ABCB4: variants seen among roughly 807,000 people sequenced by gnomAD.
ABCB4 encodes the protein ATP binding cassette subfamily B member 4, also known as phosphatidylcholine translocator ABCB4.
A neutral mutation model predicts 145.7 loss-of-function variants in ABCB4; 76 were observed. The observed-to-expected ratio is 0.52, with a 90% CI of 0.43 to 0.63. The LOEUF is 0.63. Ranked by LOEUF, ABCB4 falls within the 30% of genes least tolerant of loss-of-function variation. The probability of loss-of-function intolerance (pLI) is 0.00; values close to 1 mark genes in which losing one functional copy is unlikely to be tolerated. For synonymous variants in ABCB4, 517 were observed against 566.8 expected (o/e 0.91, Z 1.25); for missense variants, 1,234 against 1,553.1 (o/e 0.79, Z 3.45).
At chr7:87,470,813 TTCC>T (rs1439396767) in intron 3 of ABCB4, among the ~76,000 whole-genome samples, 1 of 152,190 alleles carries the variant, frequency 6.6e-6, no homozygotes, top group East Asian at 1.9e-4. Context: ...AGTGTGGTGA[TTCC>T]TCAAGGATCT....
rs1044618025 is a variant in ABCB4, at chr7:87,401,956, C to A, written c.*140G>T. 3.0e-5 allele frequency: 36 copies of A among 1,198,596 alleles called. No homozygotes were observed. Among genetic ancestry groups the A allele is most frequent in the Non-Finnish European group, 4.1e-5 (34 of 833,860 alleles). 74.2% of individuals were successfully genotyped at this position (1,198,596 alleles called of 1,614,324 possible). A position where few individuals can be genotyped will look rare whatever the true frequency, so the allele number is the denominator to read the frequency against. ...AAATTTCAAATGCCGTAATAAACCC[C>A]AAATTGGGTCTTCTAAATTGATCTA... On this transcript the variant is annotated 3_prime_UTR_variant, in exon 28 of 28. Transcript: ENST00000649586.
At chr7:87,462,624 T>C in intron 4 of ABCB4, 134 bp downstream of exon 4, 4 of 813,444 alleles carry the variant, frequency 4.9e-6, no homozygotes, top group Non-Finnish European at 6.1e-6. Flanking sequence ...TTACAACTCC[T>C]TCTATGATAT....
chr7:87,385,834 T>C, the ABCB4 span, among the ~76,000 whole-genome samples: 1 of 152,242 alleles, frequency 6.6e-6, no homozygotes, highest in Non-Finnish European at 1.5e-5. Flanking sequence ...TGGCTTTTAT[T>C]GTTTTGATGT....
the ABCB4 span, chr7:87,375,266 T>C: frequency 1.6e-5 from 3 of 186,572 alleles, no homozygotes. Flanking sequence ...ACATTATATT[T>C]GTGAAATTGA....
chr7:87,454,648 G>T, intron 4 of ABCB4, 56 bp from the exon 5 acceptor site: 1 of 1,268,516 alleles, frequency 7.9e-7, no homozygotes, highest in Non-Finnish European at 1.1e-6. Context: ...AATAGGCATT[G>T]CCAGGTTTTT....
intron 21 of ABCB4, among the ~76,000 whole-genome samples, chr7:87,416,531 G>A (rs575491643): frequency 6.6e-6 from 1 of 152,150 alleles, no homozygotes; most frequent in Non-Finnish European, 1.5e-5. Context: ...GAATGTTCAT[G>A]GTTATAATCT....
chr7:87,422,970 T>C (rs779510195), intron 17 of ABCB4, among the ~76,000 whole-genome samples: 13 of 152,184 alleles, frequency 8.5e-5, no homozygotes, highest in Non-Finnish European at 1.3e-4. Context: ...CCAAAATATA[T>C]AGTCCACATT....
At chr7:87,466,236 G>A (rs543278280) in intron 3 of ABCB4, among the ~76,000 whole-genome samples, 24 of 152,256 alleles carry the variant, frequency 1.6e-4, no homozygotes, top group African/African-American at 2.6e-4. Flanking sequence ...CATGGCACAA[G>A]AACTATGTGA....
the ABCB4 span, among the ~76,000 whole-genome samples, chr7:87,390,880 A>G: frequency 1.3e-5 from 2 of 152,224 alleles, no homozygotes; most frequent in African/African-American, 4.8e-5. Flanking sequence ...CAGTAATTTT[A>G]TATCACATAT....
intron 3 of ABCB4, among the ~76,000 whole-genome samples, chr7:87,470,822 G>C (rs1813334803): frequency 6.6e-6 from 1 of 152,152 alleles, no homozygotes. Context: ...ATTCCTCAAG[G>C]ATCTAGAACT....
rs1027940778 is a variant in ABCB4, at chr7:87,415,624, A to G, written c.2682+1688T>C. 5.3e-5 allele frequency among the ~76,000 whole-genome samples: 8 copies of G among 152,232 alleles called. No homozygotes were observed. In the East Asian group the frequency reaches 1.3e-3, roughly 26 times the overall value. ...GTTTTAGCTGGAAGGAACTTGGGGCAGTATCTGGTACAATTTCTCATTTTA... is the reference window on the plus strand; with the variant it reads ...GTTTTAGCTGGAAGGAACTTGGGGCGGTATCTGGTACAATTTCTCATTTTA... On this transcript the variant is annotated intron_variant, in intron 21 of 27. Coordinates refer to ENST00000649586, the MANE Select transcript of ABCB4 (RefSeq NM_000443.4).
the ABCB4 span, chr7:87,381,928 A>C: frequency 3.1e-6 from 5 of 1,609,074 alleles, no homozygotes; most frequent in Non-Finnish European, 4.2e-6. Flanking sequence ...TTTTGATGCA[A>C]TGATTATGGT....
rs45572146 is a variant in ABCB4, at chr7:87,426,610, T to C, written c.2064+140A>G. 0.012 allele frequency: 9,546 copies of C among 806,472 alleles called. 565 individuals are homozygous for C. The African/African-American group carries it at 0.14, about 12-fold the overall frequency. 50.0% of individuals were successfully genotyped at this position (806,472 alleles called of 1,614,324 possible). On this transcript the variant is annotated intron_variant, in intron 16 of 27. Transcript: ENST00000649586. ...TTCATTGTCAAATACATTTAAAATT[T>C]GAAAATTTTTTTCTTTACAAAGAGT...
At position 87,453,080 on chromosome 7, in the gene ABCB4, G is replaced by GTA; in HGVS notation, c.398_399dup (p.Gln134TyrfsTer30). On this transcript the variant is annotated frameshift_variant, in exon 6 of 28. Transcript: ENST00000649586. LOFTEE classifies it high-confidence loss of function. ...GCTGCCAAAGTCCAAAATGAAACTTGTATATAGGCAGCAACAAGAACTCCA... is the reference window on the plus strand; with the variant it reads ...GCTGCCAAAGTCCAAAATGAAACTTGTATATATAGGCAGCAACAAGAACTCCA... The GTA allele has an allele frequency of 6.2e-7, 1 of 1,613,984 alleles. No homozygotes were observed.
intron 21 of ABCB4, among the ~76,000 whole-genome samples, chr7:87,414,382 AG>A (rs1808828136): frequency 6.6e-6 from 1 of 152,204 alleles, no homozygotes; most frequent in African/African-American, 2.4e-5. Context: ...ACAGCATCCG[AG>A]GAATGGAATA....
chr7:87,465,052 G>A (rs1011679969), intron 3 of ABCB4, among the ~76,000 whole-genome samples: 1 of 152,170 alleles, frequency 6.6e-6, no homozygotes, highest in Non-Finnish European at 1.5e-5. Context: ...GCAGCGCACC[G>A]AGCATGAGCC....
the ABCB4 span, among the ~76,000 whole-genome samples, chr7:87,394,556 A>T: frequency 2.9e-3 from 6 of 2,054 alleles, no homozygotes; most frequent in South Asian, 0.043. Flanking sequence ...AGTACTATTT[A>T]AAAAAAAAAA....
the ABCB4 span, among the ~76,000 whole-genome samples, chr7:87,391,997 C>T: frequency 6.6e-6 from 1 of 152,162 alleles, no homozygotes; most frequent in Non-Finnish European, 1.5e-5. Context: ...ACAACACCAA[C>T]AAAGTGCAGA....
chr7:87,404,602 C>T (rs1808044515), intron 26 of ABCB4, among the ~76,000 whole-genome samples: 1 of 152,044 alleles, frequency 6.6e-6, no homozygotes, highest in South Asian at 2.1e-4. Flanking sequence ...AAAACATTTA[C>T]AAACTACATA....
Sources: gnomAD v4.1 joint callset for allele counts (sites outside exome capture counted in the v4.1 genomes callset) on GRCh38, gnomAD v4.1.1 for gene constraint, MANE v1.5 for transcripts, NCBI Gene and HGNC (gene_info 2026-07-23, HGNC 2026-07-21) for gene names.